The following ENOX1 variants were observed in gnomAD, a reference collection of about 807,000 sequenced individuals.
ENOX1 encodes ecto-NOX disulfide-thiol exchanger 1.
A neutral mutation model predicts 82.5 loss-of-function variants in ENOX1; 42 were observed. That is an observed-to-expected ratio of 0.51 (90% CI 0.40 to 0.66). ENOX1 has a LOEUF of 0.66. Ranked by LOEUF, ENOX1 falls within the 30% of genes least tolerant of loss-of-function variation. The pLI, the probability that ENOX1 is intolerant of heterozygous loss-of-function variation, is 0.00. For missense variants in ENOX1, 608 were observed against 811.6 expected (o/e 0.75, Z 3.05); for synonymous variants, 271 against 282.2 (o/e 0.96, Z 0.40).
In ENOX1 at chr13:43,255,689, A is replaced by G. The variant is rs534637386; in HGVS notation, c.1611+9709T>C. ...TCATTTACAATAGCTAAAAAAATGTAAAATGCCTAGGAATAAGTTTAAGTG... is the reference window on the plus strand; with the variant it reads ...TCATTTACAATAGCTAAAAAAATGTGAAATGCCTAGGAATAAGTTTAAGTG... On this transcript the variant is annotated intron_variant, in intron 14 of 16. Transcript: ENST00000690772. 3.0e-4 allele frequency among the ~76,000 whole-genome samples: 45 copies of G among 152,304 alleles called. 1 individual carries two copies. In the South Asian group the frequency reaches 8.3e-3, roughly 28 times the overall value.
In ENOX1 at chr13:43,687,027, C is replaced by T. The variant is rs299345; in HGVS notation, c.-284-19483G>A. ...TATATACATTTCCATTTTCATGTTG[C>T]CAGAAATAGGTAACGACGGAATTTG... On this transcript the variant is annotated intron_variant, in intron 1 of 16. Coordinates refer to ENST00000690772, the MANE Select transcript of ENOX1 (RefSeq NM_001347969.2). Among the ~76,000 whole-genome samples, 973 of 152,284 alleles carry T rather than the reference C, an allele frequency of 6.4e-3. 9 individuals are homozygous for T. Among genetic ancestry groups the T allele is most frequent in the African/African-American group, 0.022 (925 of 41,538 alleles).
chr13:43,767,694 A>G (rs937081339), intron 1 of ENOX1, among the ~76,000 whole-genome samples: 5 of 152,260 alleles, frequency 3.3e-5, no homozygotes, highest in African/African-American at 1.2e-4. Flanking sequence ...CAAAGCACTT[A>G]CAGTGAGCAG....
chr13:43,388,806 C>T (rs2052590897), intron 5 of ENOX1, among the ~76,000 whole-genome samples: 1 of 152,102 alleles, frequency 6.6e-6, no homozygotes, highest in Non-Finnish European at 1.5e-5. Context: ...GGTGGAGAGG[C>T]AGAGGAAGGT....
At chr13:43,375,252 G>T (rs1289993141) in intron 5 of ENOX1, among the ~76,000 whole-genome samples, 7 of 151,864 alleles carry the variant, frequency 4.6e-5, no homozygotes, top group African/African-American at 1.7e-4. Context: ...GGGAGAAAAA[G>T]AACGGGGCGG....
At chr13:43,295,549 A>C (rs1278803740) in intron 12 of ENOX1, among the ~76,000 whole-genome samples, 1 of 152,222 alleles carries the variant, frequency 6.6e-6, no homozygotes, top group Non-Finnish European at 1.5e-5. Flanking sequence ...CGATTCCAAA[A>C]GCTGTCTGCT....
chr13:43,564,532 G>A (rs1372341658), intron 2 of ENOX1, among the ~76,000 whole-genome samples: 1 of 152,080 alleles, frequency 6.6e-6, no homozygotes, highest in South Asian at 2.1e-4. Context: ...TCTAAAAGAG[G>A]AGAAGAGCCT....
intron 3 of ENOX1, among the ~76,000 whole-genome samples, chr13:43,450,579 A>G (rs2056912097): frequency 6.6e-6 from 1 of 152,156 alleles, no homozygotes; most frequent in Non-Finnish European, 1.5e-5. Flanking sequence ...AGAACAGGCA[A>G]GACAGAGTAA....
intron 2 of ENOX1, among the ~76,000 whole-genome samples, chr13:43,645,865 T>C (rs1017672750): frequency 6.6e-6 from 1 of 152,224 alleles, no homozygotes; most frequent in Non-Finnish European, 1.5e-5. Context: ...CTCTACCCTG[T>C]GGTACCTTTT....
intron 2 of ENOX1, among the ~76,000 whole-genome samples, chr13:43,606,525 A>C (rs997493018): frequency 6.6e-6 from 1 of 152,200 alleles, no homozygotes; most frequent in African/African-American, 2.4e-5. Context: ...TCGTTATATT[A>C]GGTGAAATAA....
At chr13:43,447,702 T>C (rs931874162) in intron 3 of ENOX1, among the ~76,000 whole-genome samples, 1 of 152,146 alleles carries the variant, frequency 6.6e-6, no homozygotes, top group African/African-American at 2.4e-5. Flanking sequence ...GCCCTTCTAA[T>C]GGAGACCTTC....
At chr13:43,670,388 C>G (rs984828659) in intron 1 of ENOX1, among the ~76,000 whole-genome samples, 2 of 152,096 alleles carry the variant, frequency 1.3e-5, no homozygotes, top group Non-Finnish European at 2.9e-5. Context: ...ATGAACGAAA[C>G]TTTGTAGGCA....
chr13:43,602,716 G>A (rs2081780610), intron 2 of ENOX1, among the ~76,000 whole-genome samples: 1 of 151,944 alleles, frequency 6.6e-6, no homozygotes, highest in African/African-American at 2.4e-5. Flanking sequence ...TAATACCAAG[G>A]GTTTGAGGAG....
At chr13:43,509,843 GA>G (rs367776802) in intron 2 of ENOX1, among the ~76,000 whole-genome samples, 2,045 of 148,844 alleles carry the variant, frequency 0.014, 43 homozygotes, top group African/African-American at 0.047. Context: ...CCTAAAGAAA[GA>G]AAAAAAAAAT....
intron 5 of ENOX1, among the ~76,000 whole-genome samples, chr13:43,394,307 A>C (rs956404709): frequency 1.3e-5 from 2 of 152,182 alleles, no homozygotes; most frequent in African/African-American, 4.8e-5. Flanking sequence ...AGCCAATTTC[A>C]TTGAGTGAAA....
chr13:43,525,945 ATATTC>A (rs1468291741), intron 2 of ENOX1, among the ~76,000 whole-genome samples: 2 of 152,066 alleles, frequency 1.3e-5, no homozygotes, highest in Non-Finnish European at 2.9e-5. Flanking sequence ...TAAATAATTT[ATATTC>A]TTCATTTTTT....
rs370531551 is a variant in ENOX1, at chr13:43,651,684, G to A, written c.-219+15795C>T. On this transcript the variant is annotated intron_variant, in intron 2 of 16. Transcript: ENST00000690772. ...GACACTCCAGCCTGGGCGACATAGC[G>A]AGACTCTGTCTAAAAAAAAAAATCA... Among the ~76,000 whole-genome samples the A allele has an allele frequency of 1.6e-3, 96 of 59,554 alleles. 1 individual carries two copies. The South Asian group carries it at 0.046, about 28-fold the overall frequency. The allele number at this position is 59,554 out of a possible 152,430, so 39.1% of individuals were successfully genotyped here. A position where few individuals can be genotyped will look rare whatever the true frequency, so the allele number is the denominator to read the frequency against.
At chr13:43,618,301 G>A (rs2082571267) in intron 2 of ENOX1, among the ~76,000 whole-genome samples, 1 of 152,064 alleles carries the variant, frequency 6.6e-6, no homozygotes, top group Non-Finnish European at 1.5e-5. Context: ...TTGAGTTTTG[G>A]TCATGAAATC....
intron 3 of ENOX1, among the ~76,000 whole-genome samples, chr13:43,483,515 T>C (rs544029675): frequency 9.2e-5 from 14 of 152,244 alleles, no homozygotes; most frequent in African/African-American, 3.4e-4. Flanking sequence ...TTATAAATCA[T>C]AGGGTGAATA....
At chr13:43,441,245 T>G (rs771857176) in intron 3 of ENOX1, among the ~76,000 whole-genome samples, 4 of 152,230 alleles carry the variant, frequency 2.6e-5, no homozygotes, top group Non-Finnish European at 5.9e-5. Context: ...GTTGTTTGTA[T>G]ATTAGCTGCA....
Sources: allele counts gnomAD v4.1 joint callset (sites outside exome capture counted in the v4.1 genomes callset), GRCh38; gene constraint gnomAD v4.1.1; transcripts MANE v1.5; gene names NCBI Gene and HGNC (gene_info 2026-07-23, HGNC 2026-07-21).